GABARAPL1: variants seen among roughly 807,000 people sequenced by gnomAD.
The protein encoded by GABARAPL1 is GABA type A receptor associated protein like 1.
A neutral mutation model predicts 14.5 loss-of-function variants in GABARAPL1; 4 were observed. That is an observed-to-expected ratio of 0.28 (90% CI 0.14 to 0.63). GABARAPL1 has a LOEUF of 0.63. GABARAPL1 is among the 30% of genes least tolerant of loss of function. GABARAPL1 has a pLI of 0.84. For synonymous variants in GABARAPL1, 47 were observed against 50.6 expected (o/e 0.93, Z 0.30); for missense variants, 82 against 139.2 (o/e 0.59, Z 2.07).
In GABARAPL1 at chr12:10,222,176, T is replaced by G. The variant is rs1406000050; in HGVS notation, c.*324T>G. On this transcript the variant is annotated 3_prime_UTR_variant, in exon 4 of 4. Transcript: ENST00000266458. ...ATAGATGGGTCAGGAGGTGGACAAG[T>G]TGGGGCCAGAGATGATGGCAGTCCA... 6.6e-6 allele frequency: 2 copies of G among 301,380 alleles called. No homozygotes were observed. The highest frequency in any genetic ancestry group is 4.2e-5 in the African/African-American group (2 of 47,144). The allele number at this position is 301,380 out of a possible 1,614,324, so 18.7% of individuals were successfully genotyped here. A position where few individuals can be genotyped will look rare whatever the true frequency, so the allele number is the denominator to read the frequency against.
Position 10,221,919 on chromosome 12 carries a change from C to T in GABARAPL1, c.*67C>T. ...GTAGGGGAGGGGTGTGTGTGCGCGACATGGGGAAAGAGGGTGGCTCCCACC... is the reference window on the plus strand; with the variant it reads ...GTAGGGGAGGGGTGTGTGTGCGCGATATGGGGAAAGAGGGTGGCTCCCACC... On this transcript the variant is annotated 3_prime_UTR_variant, in exon 4 of 4. Coordinates refer to ENST00000266458, the MANE Select transcript of GABARAPL1 (RefSeq NM_031412.4). 2 of 1,457,380 alleles carry T rather than the reference C, an allele frequency of 1.4e-6. No individual in the cohort carries two copies. The highest frequency in any genetic ancestry group is 1.9e-6 in the Non-Finnish European group (2 of 1,041,906). The allele number at this position is 1,457,380 out of a possible 1,614,324, so 90.3% of individuals were successfully genotyped here. A position where few individuals can be genotyped will look rare whatever the true frequency, so the allele number is the denominator to read the frequency against.
intron 1 of GABARAPL1, among the ~76,000 whole-genome samples, chr12:10,216,333 T>C (rs1271113457): frequency 1.3e-5 from 2 of 151,704 alleles, no homozygotes; most frequent in South Asian, 2.1e-4. Flanking sequence ...ATCAGGCCAC[T>C]GCACGCCAGC....
Position 10,222,212 on chromosome 12 carries a change from C to T in GABARAPL1, c.*360C>T, listed in dbSNP as rs540164747. 6.2e-5 allele frequency: 15 copies of T among 242,008 alleles called. No individual in the cohort carries two copies. The highest frequency in any genetic ancestry group is 3.3e-4 in the African/African-American group (15 of 45,630). 15.0% of individuals were successfully genotyped at this position (242,008 alleles called of 1,614,324 possible). On this transcript the variant is annotated 3_prime_UTR_variant, in exon 4 of 4. Coordinates refer to ENST00000266458, the MANE Select transcript of GABARAPL1 (RefSeq NM_031412.4). ...GATGATGGCAGTCCAGCAGCAACTC[C>T]CTGTGCTCCCTTCTCTTTGGGCAGA... is the stretch of plus-strand genomic sequence containing the variant.
chr12:10,212,989 C>T lies in GABARAPL1; in HGVS notation c.-141C>T. The T allele has an allele frequency of 1.6e-6, 1 of 607,076 alleles. No homozygotes were observed. Among genetic ancestry groups the T allele is most frequent in the Non-Finnish European group, 3.0e-6 (1 of 328,584 alleles). 37.6% of individuals were successfully genotyped at this position (607,076 alleles called of 1,614,324 possible). A position where few individuals can be genotyped will look rare whatever the true frequency, so the allele number is the denominator to read the frequency against. ...CCGCCCCGAACCCCCCCTGCACACTCGGCCCAGCGCTGTTGCCCCCGGAGC... is the reference window on the plus strand; with the variant it reads ...CCGCCCCGAACCCCCCCTGCACACTTGGCCCAGCGCTGTTGCCCCCGGAGC... On this transcript the variant is annotated 5_prime_UTR_variant, in exon 1 of 4. Transcript: ENST00000266458.
intron 2 of GABARAPL1, 42 bp downstream of exon 2, chr12:10,218,183 A>G: frequency 8.9e-7 from 1 of 1,118,134 alleles, no homozygotes; most frequent in Non-Finnish European, 1.4e-6. Flanking sequence ...CCGGTGAAAA[A>G]ACTCTCTAGA....
Position 10,222,182 on chromosome 12 carries a change from C to G in GABARAPL1, c.*330C>G, listed in dbSNP as rs796407110. ...GGGTCAGGAGGTGGACAAGTTGGGGCCAGAGATGATGGCAGTCCAGCAGCA... is the reference window on the plus strand; with the variant it reads ...GGGTCAGGAGGTGGACAAGTTGGGGGCAGAGATGATGGCAGTCCAGCAGCA... On this transcript the variant is annotated 3_prime_UTR_variant, in exon 4 of 4. Coordinates refer to ENST00000266458, the MANE Select transcript of GABARAPL1 (RefSeq NM_031412.4). 1 of 286,800 alleles carries G rather than the reference C, an allele frequency of 3.5e-6. No individual in the cohort carries two copies. Among genetic ancestry groups the G allele is most frequent in the African/African-American group, 2.1e-5 (1 of 46,866 alleles). 17.8% of individuals were successfully genotyped at this position (286,800 alleles called of 1,614,324 possible).
intron 3 of GABARAPL1, chr12:10,221,301 C>G: frequency 1.0e-6 from 1 of 971,880 alleles, no homozygotes; most frequent in African/African-American, 1.7e-5. Context: ...TCTGAGGAAA[C>G]TATAGTGAAG....
intron 2 of GABARAPL1, among the ~76,000 whole-genome samples, chr12:10,220,211 A>G (rs1949112821): frequency 6.6e-6 from 1 of 152,198 alleles, no homozygotes; most frequent in East Asian, 1.9e-4. Flanking sequence ...AAGAGGGGAA[A>G]GGAGGAATAA....
Position 10,222,067 on chromosome 12 carries a change from C to T in GABARAPL1, c.*215C>T. The T allele has an allele frequency of 1.8e-6, 1 of 564,104 alleles. No homozygotes were observed. Among genetic ancestry groups the T allele is most frequent in the Non-Finnish European group, 3.2e-6 (1 of 313,062 alleles). The allele number at this position is 564,104 out of a possible 1,614,324, so 34.9% of individuals were successfully genotyped here. On this transcript the variant is annotated 3_prime_UTR_variant, in exon 4 of 4. Coordinates refer to ENST00000266458, the MANE Select transcript of GABARAPL1 (RefSeq NM_031412.4). ...GGCCCAGGGAGAAAGCATGTCAGGA[C>T]AGAGCTGTTGGATTGGCTTTGATAG... is the stretch of plus-strand genomic sequence containing the variant.
rs1360025123 is a variant in GABARAPL1 at position 10,213,112 on chromosome 12, G to A, written c.-18G>A. 5 of 1,528,670 alleles carry A rather than the reference G, an allele frequency of 3.3e-6. No individual in the cohort carries two copies. The highest frequency in any genetic ancestry group is 4.5e-6 in the Non-Finnish European group (5 of 1,117,576). The allele number at this position is 1,528,670 out of a possible 1,614,324, so 94.7% of individuals were successfully genotyped here. ...AGGCAGGCCCCGCGCGGGGATCTCG[G>A]AAGCCCTGCGGTGCATCATGAAGTT... On this transcript the variant is annotated 5_prime_UTR_variant, in exon 1 of 4. Coordinates refer to ENST00000266458, the MANE Select transcript of GABARAPL1 (RefSeq NM_031412.4).
chr12:10,217,595 T>C (rs776000444), intron 1 of GABARAPL1, among the ~76,000 whole-genome samples: 8 of 152,102 alleles, frequency 5.3e-5, no homozygotes, highest in Non-Finnish European at 1.0e-4. Flanking sequence ...TAGCCAGGCG[T>C]TGTGGCATGT....
chr12:10,220,622 G>T (rs758627296), intron 3 of GABARAPL1, 64 bp downstream of exon 3: 1 of 1,610,440 alleles, frequency 6.2e-7, no homozygotes, highest in Non-Finnish European at 8.5e-7. Context: ...TCTAGCCCTT[G>T]TTCTAGATGC....
chr12:10,213,864 C>A (rs768117328), intron 1 of GABARAPL1: 3 of 455,980 alleles, frequency 6.6e-6, no homozygotes, highest in Non-Finnish European at 1.3e-5. Context: ...GGACAGCCAG[C>A]CTCCTCGTGT....
At chr12:10,213,254 A>T in intron 1 of GABARAPL1, 35 bp downstream of exon 1, 4 of 884,746 alleles carry the variant, frequency 4.5e-6, no homozygotes, top group South Asian at 1.4e-5. Flanking sequence ...TGGGAGGGGA[A>T]GGGCCCGCGG....
chr12:10,216,537 CTTT>C (rs71049067), intron 1 of GABARAPL1, among the ~76,000 whole-genome samples: 3 of 112,200 alleles, frequency 2.7e-5, no homozygotes, highest in Admixed American at 9.5e-5. Context: ...ATTTTCTTTT[CTTT>C]TTTTTTTTTT....
chr12:10,222,015 T>C lies in GABARAPL1; in HGVS notation c.*163T>C. The stretch of plus-strand genomic sequence containing the variant: ...ACACCGTCATCACATTTTCACATGC[T>C]CAATTGATATTTTTTGCTGCTTCCT... On this transcript the variant is annotated 3_prime_UTR_variant, in exon 4 of 4. Coordinates refer to ENST00000266458, the MANE Select transcript of GABARAPL1 (RefSeq NM_031412.4). 1.6e-6 allele frequency: 1 copy of C among 643,974 alleles called. No homozygotes were observed. The highest frequency in any genetic ancestry group is 2.7e-6 in the Non-Finnish European group (1 of 363,958). The allele number at this position is 643,974 out of a possible 1,614,324, so 39.9% of individuals were successfully genotyped here.
intron 1 of GABARAPL1, among the ~76,000 whole-genome samples, chr12:10,217,126 C>T (rs1360032666): frequency 1.3e-5 from 2 of 151,964 alleles, no homozygotes; most frequent in Non-Finnish European, 2.9e-5. Context: ...AGATCTAGTA[C>T]AGAAATACAT....
Position 10,221,849 on chromosome 12 carries a change from A to T in GABARAPL1, c.351A>T (p.Lys117Asn). 6.2e-7 allele frequency: 1 copy of T among 1,613,984 alleles called. No individual in the cohort carries two copies. The highest frequency in any genetic ancestry group is 2.2e-5 in the East Asian group (1 of 44,872). ...ACAGTGATGAGAGTGTCTATGGGAAATGAGTGGTTGGAAGCCCAGCAGATG... is the reference window on the plus strand; with the variant it reads ...ACAGTGATGAGAGTGTCTATGGGAATTGAGTGGTTGGAAGCCCAGCAGATG... ...VAYSDESVYG[K>N] Residue 117 changes from lysine (K) to asparagine (N), a missense_variant, in exon 4 of 4, where the codon AAA (lysine) becomes AAT (asparagine). Coordinates refer to ENST00000266458, the MANE Select transcript of GABARAPL1 (RefSeq NM_031412.4).
At chr12:10,217,493 A>T (rs1378067891) in intron 1 of GABARAPL1, among the ~76,000 whole-genome samples, 1 of 152,194 alleles carries the variant, frequency 6.6e-6, no homozygotes. Context: ...GCACTTTGGG[A>T]GGCCAAGGCA....
Sources: gnomAD v4.1 joint callset for allele counts (sites outside exome capture counted in the v4.1 genomes callset) on GRCh38, gnomAD v4.1.1 for gene constraint, MANE v1.5 for transcripts, NCBI Gene and HGNC (gene_info 2026-07-23, HGNC 2026-07-21) for gene names.